Variants in PARD3 observed in about 807,000 individuals in gnomAD.
PARD3 encodes the protein partitioning defective 3 homolog.
In PARD3, 75 loss-of-function variants were observed where a neutral mutation model predicts 155.4. That is an observed-to-expected ratio of 0.48 (90% CI 0.40 to 0.58). PARD3 has a LOEUF of 0.58. PARD3 is among the 20% of genes least tolerant of loss of function. The pLI is 0.00. For synonymous variants in PARD3, 576 were observed against 610.5 expected (o/e 0.94, Z 0.83); for missense variants, 1,642 against 1,721.7 (o/e 0.95, Z 0.82).
chr10:34,395,989 CT>C (rs1483644710), intron 7 of PARD3, among the ~76,000 whole-genome samples: 23 of 152,164 alleles, frequency 1.5e-4, no homozygotes, highest in Non-Finnish European at 2.5e-4. Context: ...ATTAATGCCC[CT>C]GATTGAAAAA....
chr10:34,738,214 C>A (rs959766634), intron 1 of PARD3, among the ~76,000 whole-genome samples: 2 of 152,192 alleles, frequency 1.3e-5, no homozygotes, highest in African/African-American at 4.8e-5. Context: ...ATGATACATG[C>A]ATGTATGACT....
At chr10:34,601,383 G>A (rs2132502267) in intron 2 of PARD3, among the ~76,000 whole-genome samples, 1 of 152,236 alleles carries the variant, frequency 6.6e-6, no homozygotes, top group African/African-American at 2.4e-5. Context: ...CAAGGCTGCA[G>A]TGAGCTATAA....
intron 22 of PARD3, among the ~76,000 whole-genome samples, chr10:34,264,874 C>T (rs946208275): frequency 5.9e-5 from 9 of 152,014 alleles, no homozygotes; most frequent in African/African-American, 1.2e-4. Context: ...CCTGGCCTCC[C>T]GAGTAGCTGG....
chr10:34,621,462 T>A (rs1400105196), intron 2 of PARD3, among the ~76,000 whole-genome samples: 1 of 152,068 alleles, frequency 6.6e-6, no homozygotes, highest in Non-Finnish European at 1.5e-5. Flanking sequence ...CCTCCCAAGG[T>A]GCCGGTTGTA....
chr10:34,212,626 C>T (rs1052780544), intron 22 of PARD3, among the ~76,000 whole-genome samples: 2 of 148,300 alleles, frequency 1.3e-5, no homozygotes, highest in African/African-American at 5.0e-5. Flanking sequence ...TACAGCCCCT[C>T]GTGGAGTAGG....
intron 20 of PARD3, among the ~76,000 whole-genome samples, chr10:34,295,875 A>G (rs1956885108): frequency 1.3e-5 from 2 of 152,246 alleles, no homozygotes; most frequent in Admixed American, 6.5e-5. Flanking sequence ...AGTGAACAAC[A>G]TGAGCAGACA....
rs569630999 is a variant in PARD3, at chr10:34,111,913, A to G, written c.3669-351T>C. On this transcript the variant is annotated intron_variant, in intron 24 of 24. Transcript: ENST00000374788. Reference sequence around the variant, plus strand: ...CACACTGGCAAAGTATAGAAGTATTAGAGGTTTGGCAGCTTCCATGGTAGG... The same window carrying G: ...CACACTGGCAAAGTATAGAAGTATTGGAGGTTTGGCAGCTTCCATGGTAGG... Among the ~76,000 whole-genome samples, 4 of 152,350 alleles carry G rather than the reference A, an allele frequency of 2.6e-5. No homozygotes were observed. The South Asian group carries it at 8.3e-4, about 32-fold the overall frequency.
At chr10:34,389,024 G>A (rs1312017615) in intron 7 of PARD3, among the ~76,000 whole-genome samples, 2 of 151,990 alleles carry the variant, frequency 1.3e-5, no homozygotes, top group Non-Finnish European at 2.9e-5. Flanking sequence ...AACCCTACTT[G>A]GCTTTATGCT....
chr10:34,690,688 C>T (rs1322688987), intron 2 of PARD3, among the ~76,000 whole-genome samples: 1 of 152,170 alleles, frequency 6.6e-6, no homozygotes, highest in Non-Finnish European at 1.5e-5. Context: ...GCCTCGCTAG[C>T]TCTATGGAAA....
At chr10:34,489,493 C>T (rs753885977) in intron 3 of PARD3, among the ~76,000 whole-genome samples, 1 of 152,238 alleles carries the variant, frequency 6.6e-6, no homozygotes, top group Non-Finnish European at 1.5e-5. Flanking sequence ...TCTGTCTTAA[C>T]TGTTCCAGTT....
At chr10:34,127,519 C>T (rs1168813302) in intron 23 of PARD3, among the ~76,000 whole-genome samples, 2 of 152,050 alleles carry the variant, frequency 1.3e-5, no homozygotes, top group Non-Finnish European at 2.9e-5. Context: ...GGCATTTTTT[C>T]TTTTCGATCT....
At chr10:34,574,972 T>C (rs370273461) in intron 2 of PARD3, among the ~76,000 whole-genome samples, 6 of 152,166 alleles carry the variant, frequency 3.9e-5, no homozygotes, top group East Asian at 3.9e-4. Flanking sequence ...AAAAGATTAC[T>C]GAAATGGTTC....
intron 3 of PARD3, among the ~76,000 whole-genome samples, chr10:34,472,166 A>G (rs1238641549): frequency 2.6e-5 from 4 of 152,224 alleles, no homozygotes; most frequent in Non-Finnish European, 4.4e-5. Flanking sequence ...TTACTAGGGC[A>G]AAAATTTAGT....
At chr10:34,770,660 CT>C (rs1410414015) in intron 1 of PARD3, among the ~76,000 whole-genome samples, 2 of 152,168 alleles carry the variant, frequency 1.3e-5, no homozygotes, top group Non-Finnish European at 2.9e-5. Context: ...GGTATGTGGC[CT>C]TGGACAGATG....
intron 2 of PARD3, among the ~76,000 whole-genome samples, chr10:34,644,605 A>C (rs1564454542): frequency 6.6e-6 from 1 of 152,220 alleles, no homozygotes; most frequent in Non-Finnish European, 1.5e-5. Context: ...CTAGGGAATA[A>C]GGACAAAAGA....
intron 3 of PARD3, among the ~76,000 whole-genome samples, chr10:34,490,298 C>T (rs1029856028): frequency 2.6e-5 from 4 of 151,986 alleles, no homozygotes; most frequent in Non-Finnish European, 2.9e-5. Flanking sequence ...TTAGCTAAGA[C>T]GAGCAAACAG....
At chr10:34,742,950 T>G (rs1055123149) in intron 1 of PARD3, among the ~76,000 whole-genome samples, 3 of 152,136 alleles carry the variant, frequency 2.0e-5, no homozygotes, top group African/African-American at 7.2e-5. Context: ...CGGTCTTGGG[T>G]GCCAAGTACC....
chr10:34,242,916 C>A (rs963758347), intron 22 of PARD3, among the ~76,000 whole-genome samples: 1 of 152,228 alleles, frequency 6.6e-6, no homozygotes, highest in Non-Finnish European at 1.5e-5. Context: ...ACCTGGGCAA[C>A]AGACCAAGAC....
intron 1 of PARD3, among the ~76,000 whole-genome samples, chr10:34,748,203 C>T (rs998000289): frequency 6.6e-6 from 1 of 152,188 alleles, no homozygotes; most frequent in Non-Finnish European, 1.5e-5. Context: ...GGCGTGGTGG[C>T]TCACGCCTGT....
Sources: allele counts gnomAD v4.1 joint callset (sites outside exome capture counted in the v4.1 genomes callset), GRCh38; gene constraint gnomAD v4.1.1; transcripts MANE v1.5; gene names NCBI Gene and HGNC (gene_info 2026-07-23, HGNC 2026-07-21).